ACER3: variants seen among roughly 807,000 people sequenced by gnomAD.
ACER3 encodes alkaline ceramidase 3, also known as alkCDase 3.
A neutral mutation model predicts 48.9 loss-of-function variants in ACER3; 16 were observed. That is an observed-to-expected ratio of 0.33 (90% CI 0.22 to 0.50). ACER3 has a LOEUF of 0.50. Among genes scored for constraint, ACER3 ranks in the 20% least tolerant of loss-of-function variants. ACER3 has a pLI of 0.98. For synonymous variants in ACER3, 109 were observed against 107.8 expected, an observed-to-expected ratio of 1.01 and a Z score of -0.07; for missense variants, 227 against 326.0, an observed-to-expected ratio of 0.70 and a Z score of 2.34.
intron 3 of ACER3, among the ~76,000 whole-genome samples, chr11:76,975,724 C>T (rs1948423005): frequency 6.6e-6 from 1 of 152,020 alleles, no homozygotes. Flanking sequence ...GAGTCAGGTA[C>T]CCTGCTTAGT....
chr11:77,005,343 A>G (rs1417708513), intron 7 of ACER3, among the ~76,000 whole-genome samples: 1 of 152,160 alleles, frequency 6.6e-6, no homozygotes, highest in East Asian at 1.9e-4. Context: ...GGCTGCTCTC[A>G]GTATTACTTT....
At chr11:77,015,767 T>C (rs1173661978) in intron 8 of ACER3, among the ~76,000 whole-genome samples, 1 of 152,166 alleles carries the variant, frequency 6.6e-6, no homozygotes, top group East Asian at 1.9e-4. Context: ...AAATTCAGAC[T>C]GTGAGAAATC....
At chr11:76,977,798 T>G (rs930748621) in intron 4 of ACER3, among the ~76,000 whole-genome samples, 17 of 152,174 alleles carry the variant, frequency 1.1e-4, no homozygotes, top group Admixed American at 6.5e-5. Context: ...CAGCCATGGC[T>G]CTGGACCTGG....
intron 1 of ACER3, among the ~76,000 whole-genome samples, chr11:76,871,757 T>G (rs1227619009): frequency 6.6e-6 from 1 of 152,224 alleles, no homozygotes; most frequent in Non-Finnish European, 1.5e-5. Flanking sequence ...AAGGGAATTC[T>G]CTATAGAATG....
chr11:76,993,830 T>C (rs1221334504), intron 6 of ACER3, among the ~76,000 whole-genome samples: 2 of 152,242 alleles, frequency 1.3e-5, no homozygotes, highest in African/African-American at 4.8e-5. Flanking sequence ...GAGAATCTAA[T>C]GCCACTGCTG....
At position 76,902,375 on chromosome 11, in the gene ACER3, A is replaced by T. The variant is rs558312525; in HGVS notation, c.104-24182A>T. On this transcript the variant is annotated intron_variant, in intron 1 of 10. Transcript: ENST00000532485. ...TTTAGCAATCCTGGACCCACATAAA[A>T]GCTGCATTTCAATACAAGATAAAAA... Among the ~76,000 whole-genome samples, 12 of 152,306 alleles carry T rather than the reference A, an allele frequency of 7.9e-5. 1 individual carries two copies. The South Asian group carries it at 2.5e-3, about 32-fold the overall frequency.
intron 2 of ACER3, among the ~76,000 whole-genome samples, chr11:76,945,640 C>T (rs1053146230): frequency 6.6e-6 from 1 of 152,168 alleles, no homozygotes; most frequent in African/African-American, 2.4e-5. Flanking sequence ...AAGCAGCATA[C>T]GCTGGCACCA....
At chr11:76,879,415 A>T (rs1233668270) in intron 1 of ACER3, among the ~76,000 whole-genome samples, 1 of 152,108 alleles carries the variant, frequency 6.6e-6, no homozygotes, top group East Asian at 1.9e-4. Context: ...TCCAATCTTT[A>T]TGCATTTTAT....
intron 7 of ACER3, among the ~76,000 whole-genome samples, chr11:77,009,209 G>A (rs1222378063): frequency 6.6e-6 from 1 of 152,210 alleles, no homozygotes; most frequent in East Asian, 1.9e-4. Context: ...CATCTGCTTG[G>A]CTTCTGGGGA....
At chr11:76,872,772 C>T (rs541153511) in intron 1 of ACER3, among the ~76,000 whole-genome samples, 1 of 152,106 alleles carries the variant, frequency 6.6e-6, no homozygotes, top group Admixed American at 6.5e-5. Flanking sequence ...CAACAATGGG[C>T]CTCAGACTTT....
chr11:76,976,456 A>T (rs986284269), intron 4 of ACER3, 115 bp downstream of exon 4: 2 of 613,580 alleles, frequency 3.3e-6, no homozygotes, highest in Non-Finnish European at 5.4e-6. Flanking sequence ...AATGTAGAAG[A>T]TTATAAATTT....
intron 3 of ACER3, 154 bp downstream of exon 3, chr11:76,959,185 G>C (rs937652325): frequency 3.6e-5 from 54 of 1,518,450 alleles, no homozygotes; most frequent in Middle Eastern, 2.3e-4. Context: ...ACTAAGTGAA[G>C]TAAAGAAATA....
rs543261010 is a variant in ACER3, at chr11:76,920,018, G to A, written c.104-6539G>A. On this transcript the variant is annotated intron_variant, in intron 1 of 10. Coordinates refer to ENST00000532485, the MANE Select transcript of ACER3 (RefSeq NM_018367.7). ...GAATATTTTCCTTTGACAACTGGCT[G>A]GATGTTAAATTTTGTCAATAGAGGG... 1.8e-4 allele frequency among the ~76,000 whole-genome samples: 27 copies of A among 152,280 alleles called. No homozygotes were observed. In the East Asian group the frequency reaches 2.3e-3, roughly 13 times the overall value.
At chr11:76,989,541 A>T (rs1000666243) in intron 5 of ACER3, among the ~76,000 whole-genome samples, 2 of 152,174 alleles carry the variant, frequency 1.3e-5, no homozygotes, top group Non-Finnish European at 2.9e-5. Flanking sequence ...GTTGAATCCT[A>T]AAAGATAAGT....
chr11:76,979,119 A>G (rs1480948300), intron 4 of ACER3, among the ~76,000 whole-genome samples: 1 of 152,228 alleles, frequency 6.6e-6, no homozygotes, highest in Admixed American at 6.5e-5. Context: ...AAACTTGGGC[A>G]AAGGTGCCAC....
intron 1 of ACER3, among the ~76,000 whole-genome samples, chr11:76,872,913 T>TTC (rs1945282255): frequency 7.4e-6 from 1 of 135,434 alleles, no homozygotes; most frequent in African/African-American, 2.9e-5. Context: ...TTCTTTTTCT[T>TTC]TTTTTTTTTT....
At chr11:76,976,170 A>T in intron 3 of ACER3, 119 bp from the exon 4 acceptor site, 1 of 756,456 alleles carries the variant, frequency 1.3e-6, no homozygotes. Context: ...TACAGGTGTG[A>T]GCCTCTGTGC....
intron 1 of ACER3, among the ~76,000 whole-genome samples, chr11:76,883,324 C>T (rs915928446): frequency 1.3e-5 from 2 of 152,020 alleles, no homozygotes; most frequent in Admixed American, 6.6e-5. Flanking sequence ...TTTCTCTCCC[C>T]ATTATGTCCA....
At chr11:76,922,041 C>T (rs1455161837) in intron 1 of ACER3, among the ~76,000 whole-genome samples, 1 of 152,162 alleles carries the variant, frequency 6.6e-6, no homozygotes, top group Non-Finnish European at 1.5e-5. Flanking sequence ...AGGAGGACCA[C>T]TATCTAGCTC....
Sources: gnomAD v4.1 joint callset for allele counts (sites outside exome capture counted in the v4.1 genomes callset) on GRCh38, gnomAD v4.1.1 for gene constraint, MANE v1.5 for transcripts, NCBI Gene and HGNC (gene_info 2026-07-23, HGNC 2026-07-21) for gene names.